ZNF345: variants seen among roughly 807,000 people sequenced by gnomAD.
The protein encoded by ZNF345 is zinc finger protein HZF10.
For missense variants in ZNF345, 527 were observed against 589.9 expected (o/e 0.89, Z 1.10); for synonymous variants, 166 against 187.9 (o/e 0.88, Z 0.95).
At chr19:36,866,512 T>C (rs938824675) in intron 2 of ZNF345, among the ~76,000 whole-genome samples, 2 of 151,926 alleles carry the variant, frequency 1.3e-5, no homozygotes, top group Admixed American at 6.6e-5. Context: ...TTTAAACTTA[T>C]GTAAATTGAA....
In ZNF345 at chr19:36,886,620, T is replaced by C. The variant is rs1203020665; in HGVS notation, c.47-6198T>C. ...CAGCACTTTGGGAGGCCGAGGAGGGTGGATCACCTGAGGTCAGGAGTTCGA... is the reference window on the plus strand; with the variant it reads ...CAGCACTTTGGGAGGCCGAGGAGGGCGGATCACCTGAGGTCAGGAGTTCGA... On this transcript the variant is annotated intron_variant, in intron 3 of 3. Coordinates refer to the ZNF345 transcript ENST00000526123. Among the ~76,000 whole-genome samples, 4 of 150,134 alleles carry C rather than the reference T, an allele frequency of 2.7e-5. No homozygotes were observed. The South Asian group carries it at 8.5e-4, about 32-fold the overall frequency.
intron 3 of ZNF345, chr19:36,892,325 A>G (rs893366036): frequency 6.2e-7 from 1 of 1,613,850 alleles, no homozygotes; most frequent in African/African-American, 1.3e-5. Context: ...TTACATTCCC[A>G]TGGTTTCTCT....
At chr19:36,884,255 C>T (rs562251967), downstream of ZNF345, among the ~76,000 whole-genome samples, 9 of 152,102 alleles carry the variant, frequency 5.9e-5, no homozygotes, top group East Asian at 7.8e-4. Flanking sequence ...TTAGTAGAGA[C>T]GAGGTTTCAC....
intron 2 of ZNF345, among the ~76,000 whole-genome samples, chr19:36,865,265 A>G (rs2072635159): frequency 6.6e-6 from 1 of 152,180 alleles, no homozygotes; most frequent in Non-Finnish European, 1.5e-5. Flanking sequence ...AAGGAAAAAT[A>G]TTTCTATAGC....
intron 3 of ZNF345, chr19:36,891,663 A>G: frequency 1.2e-6 from 2 of 1,613,370 alleles, no homozygotes; most frequent in South Asian, 2.2e-5. Flanking sequence ...ATGGTTTTTC[A>G]TCTGTATGGA....
rs188290185 is a variant in ZNF345 at position 36,877,987 on chromosome 19, T to C, written c.1157T>C (p.Ile386Thr). ...GKAFGSGSKLIQHQLIHTGER... is the reference protein window; with the variant it reads ...GKAFGSGSKLTQHQLIHTGER... ...GCCTTTGGTAGTGGCTCAAAACTTA[T>C]CCAACACCAGCTAATCCATACTGGT... The change falls in exon 3 of 3, where the codon ATC becomes ACC. Residue 386 changes from isoleucine (I) to threonine (T), a missense_variant. Ile to Thr is a moderately conservative substitution (Grantham distance 89). Coordinates refer to ENST00000420450, the MANE Select transcript of ZNF345 (RefSeq NM_001242472.2). The C allele has an allele frequency of 8.7e-6, 14 of 1,613,496 alleles. No individual in the cohort carries two copies. In the Admixed American group the frequency reaches 2.2e-4, roughly 25 times the overall value.
At position 36,892,281 on chromosome 19, in the gene ZNF345, T is replaced by C. The variant is rs80239416; in HGVS notation, c.47-537T>C. 2.0e-3 allele frequency: 3,156 copies of C among 1,613,894 alleles called. 64 individuals carry two copies. In the African/African-American group the frequency reaches 0.037, roughly 19 times the overall value. The stretch of plus-strand genomic sequence containing the variant: ...AATGAATTCTCTGATGTTGGATAAA[T>C]TGTGAGTTTTGATTAAAGGTCTTTC... On this transcript the variant is annotated intron_variant, in intron 3 of 3. Transcript: ENST00000526123.
intron 2 of ZNF345, among the ~76,000 whole-genome samples, chr19:36,865,162 C>T (rs912463812): frequency 2.6e-5 from 4 of 152,116 alleles, no homozygotes; most frequent in African/African-American, 9.7e-5. Context: ...GAGCCGCCTG[C>T]CAGCAAGCAT....
chr19:36,885,473 A>G (rs2072991411), intron 3 of ZNF345, among the ~76,000 whole-genome samples: 1 of 151,864 alleles, frequency 6.6e-6, no homozygotes, highest in African/African-American at 2.4e-5. Context: ...ACTCTCTTAA[A>G]GGTATGGGTT....
chr19:36,851,457 C>G (rs1345446518), intron 1 of ZNF345: 4 of 152,090 alleles, frequency 2.6e-5, no homozygotes, highest in Non-Finnish European at 5.9e-5. Flanking sequence ...CCGTGTCTAC[C>G]CCCGTGGTGT....
intron 3 of ZNF345, among the ~76,000 whole-genome samples, chr19:36,887,183 ACC>A (rs1453467016): frequency 8.6e-5 from 13 of 151,748 alleles, no homozygotes; most frequent in Non-Finnish European, 1.8e-4. Context: ...CACCACCACC[ACC>A]ACCACCACCA....
At chr19:36,882,440 G>T (rs567829960), downstream of ZNF345, among the ~76,000 whole-genome samples, 113 of 150,034 alleles carry the variant, frequency 7.5e-4, 1 homozygote, top group African/African-American at 2.6e-3. Flanking sequence ...GCTAATTTTT[G>T]TATTTTTTAG....
chr19:36,860,849 C>T (rs2072531555), intron 2 of ZNF345, among the ~76,000 whole-genome samples: 1 of 152,082 alleles, frequency 6.6e-6, no homozygotes, highest in South Asian at 2.1e-4. Flanking sequence ...AATAACTACT[C>T]ACCAAACTTT....
In ZNF345 at chr19:36,878,706, T is replaced by C. The variant is rs536076121; in HGVS notation, c.*409T>C. ...CAAGTCTAAATTTATCCTTTTTTTC[T>C]TTCCTGATTATCCTAACACCATTTA... is the stretch of plus-strand genomic sequence containing the variant. On this transcript the variant is annotated 3_prime_UTR_variant, in exon 3 of 3. Transcript: ENST00000420450. 1.2e-5 allele frequency: 2 copies of C among 170,098 alleles called. No homozygotes were observed. The highest frequency in any genetic ancestry group is 4.8e-5 in the African/African-American group (2 of 41,664). 10.5% of individuals were successfully genotyped at this position (170,098 alleles called of 1,614,324 possible). A position where few individuals can be genotyped will look rare whatever the true frequency, so the allele number is the denominator to read the frequency against.
At chr19:36,855,843 T>G (rs535435690) in intron 2 of ZNF345, among the ~76,000 whole-genome samples, 1 of 152,338 alleles carries the variant, frequency 6.6e-6, no homozygotes, top group South Asian at 2.1e-4. Context: ...CTTTGCCATC[T>G]TTTCTTACCA....
chr19:36,856,849 C>CAA (rs35856079), intron 2 of ZNF345, among the ~76,000 whole-genome samples: 10 of 106,810 alleles, frequency 9.4e-5, no homozygotes, highest in East Asian at 3.6e-4. Flanking sequence ...GACTCCGTCT[C>CAA]AAAAAAAAAA....
upstream of ZNF345, chr19:36,850,868 C>A (rs1356611443): frequency 6.6e-6 from 1 of 152,318 alleles, no homozygotes; most frequent in Non-Finnish European, 1.5e-5. Flanking sequence ...TGGGCGGGAT[C>A]TTCCCGCGGA....
upstream of ZNF345, chr19:36,850,601 C>G (rs1422831328): frequency 6.6e-6 from 1 of 152,240 alleles, no homozygotes; most frequent in African/African-American, 2.4e-5. Context: ...ATGGAGGAGG[C>G]CTGGCCAAGC....
rs773283254 is a variant in ZNF345, at chr19:36,877,235, C to T, written c.405C>T (p.His135=). The part of the protein sequence containing the change: ...KAFGSGSNLT[H]HQRIHTGEKP... ...TTGGTAGTGGCTCAAACCTTACTCACCATCAGAGAATTCATACTGGTGAGA... is the reference window on the plus strand; with the variant it reads ...TTGGTAGTGGCTCAAACCTTACTCATCATCAGAGAATTCATACTGGTGAGA... Residue 135 remains histidine (H), a synonymous_variant, in exon 3 of 3, where the codon CAC becomes CAT. Transcript: ENST00000420450. 1 of 1,611,886 alleles carries T rather than the reference C, an allele frequency of 6.2e-7. No homozygotes were observed. Among genetic ancestry groups the T allele is most frequent in the Non-Finnish European group, 8.5e-7 (1 of 1,179,302 alleles).
Sources: allele counts gnomAD v4.1 joint callset (sites outside exome capture counted in the v4.1 genomes callset), GRCh38; gene constraint gnomAD v4.1.1; transcripts MANE v1.5; gene names NCBI Gene and HGNC (gene_info 2026-07-23, HGNC 2026-07-21).